The following MECOM variants were observed in gnomAD, a reference collection of about 807,000 sequenced individuals.
MECOM encodes the protein histone-lysine N-methyltransferase MECOM.
In MECOM, 13 loss-of-function variants were observed where a neutral mutation model predicts 116.3. The observed-to-expected ratio is 0.11, with a 90% CI of 0.07 to 0.18. The LOEUF (loss-of-function observed/expected upper bound fraction) is 0.18. MECOM is among the 10% of genes least tolerant of loss of function. The pLI is 1.00. For missense variants in MECOM, 1,299 were observed against 1,509.0 expected (o/e 0.86, Z 2.31); for synonymous variants, 528 against 535.2 (o/e 0.99, Z 0.19).
intron 1 of MECOM, among the ~76,000 whole-genome samples, chr3:169,517,224 G>T (rs1039393063): frequency 2.0e-5 from 3 of 152,182 alleles, no homozygotes; most frequent in African/African-American, 7.2e-5. Context: ...AAATCTTGTT[G>T]ACTACTTCCA....
At chr3:169,361,537 C>CT (rs1728303303) in intron 2 of MECOM, among the ~76,000 whole-genome samples, 1 of 151,802 alleles carries the variant, frequency 6.6e-6, no homozygotes, top group African/African-American at 2.4e-5. Flanking sequence ...CCAAGCCCTG[C>CT]TCTAAGCTCT....
At chr3:169,399,600 A>C (rs1735549868) in intron 1 of MECOM, among the ~76,000 whole-genome samples, 1 of 152,220 alleles carries the variant, frequency 6.6e-6, no homozygotes, top group Non-Finnish European at 1.5e-5. Flanking sequence ...AAGAATCAGA[A>C]AGAGAAGCTT....
intron 1 of MECOM, among the ~76,000 whole-genome samples, chr3:169,471,613 G>A (rs1300141616): frequency 6.6e-6 from 1 of 152,122 alleles, no homozygotes; most frequent in African/African-American, 2.4e-5. Flanking sequence ...AGATTTCTCA[G>A]CTCCCATGAT....
At chr3:169,143,423 G>A (rs1483752531) in intron 3 of MECOM, among the ~76,000 whole-genome samples, 1 of 152,108 alleles carries the variant, frequency 6.6e-6, no homozygotes, top group East Asian at 1.9e-4. Context: ...ACGGTAGGCA[G>A]TAATAATACT....
intron 3 of MECOM, among the ~76,000 whole-genome samples, chr3:169,141,999 C>G (rs1738245555): frequency 6.6e-6 from 1 of 151,856 alleles, no homozygotes; most frequent in African/African-American, 2.4e-5. Context: ...GGCATATTTT[C>G]TTTTGAAAAC....
At chr3:169,249,841 A>G (rs1433894478) in intron 2 of MECOM, among the ~76,000 whole-genome samples, 1 of 152,238 alleles carries the variant, frequency 6.6e-6, no homozygotes, top group Non-Finnish European at 1.5e-5. Context: ...CAGAGAATTA[A>G]GATGAACCAA....
rs577429906 is a variant in MECOM at position 169,334,043 on chromosome 3, T to TA, written c.375+47143dup. On this transcript the variant is annotated intron_variant, in intron 2 of 16. Transcript: ENST00000651503. Reference sequence around the variant, plus strand: ...TTTCTTTCTTTTAATAACACTTTCTTAAAAAAAAATAAATAAAAAACTTTC... The same window carrying TA: ...TTTCTTTCTTTTAATAACACTTTCTTAAAAAAAAAATAAATAAAAAACTTTC... 8.6e-5 allele frequency among the ~76,000 whole-genome samples: 13 copies of TA among 151,490 alleles called. No homozygotes were observed. The South Asian group carries it at 1.0e-3, about 12-fold the overall frequency.
chr3:169,601,739 C>T (rs1243681332), intron 1 of MECOM, among the ~76,000 whole-genome samples: 1 of 152,154 alleles, frequency 6.6e-6, no homozygotes, highest in East Asian at 1.9e-4. Context: ...AAGAAAGAAT[C>T]ACATAAACTT....
At chr3:169,175,856 C>T (rs1169021885) in intron 2 of MECOM, among the ~76,000 whole-genome samples, 2 of 152,102 alleles carry the variant, frequency 1.3e-5, no homozygotes, top group African/African-American at 2.4e-5. Context: ...GCAAACATCT[C>T]GACATGGCTT....
intron 2 of MECOM, among the ~76,000 whole-genome samples, chr3:169,229,847 C>G (rs572962256): frequency 9.9e-5 from 15 of 152,214 alleles, no homozygotes; most frequent in Non-Finnish European, 2.1e-4. Flanking sequence ...ATTCTTTCAG[C>G]TACAATGTTT....
intron 2 of MECOM, among the ~76,000 whole-genome samples, chr3:169,375,991 C>T (rs55700913): frequency 0.011 from 1,747 of 152,082 alleles, 34 homozygotes; most frequent in African/African-American, 0.039. Context: ...ACGATCAAGT[C>T]GGCTTCATCC....
chr3:169,121,374 G>A (rs1329014045), intron 6 of MECOM, among the ~76,000 whole-genome samples, 165 bp from the exon 7 acceptor site: 1 of 152,138 alleles, frequency 6.6e-6, no homozygotes, highest in Admixed American at 6.5e-5. Context: ...CTCTCCTCTA[G>A]GGTAGGAACT....
intron 1 of MECOM, among the ~76,000 whole-genome samples, chr3:169,604,901 T>C (rs1033504194): frequency 6.6e-6 from 1 of 152,188 alleles, no homozygotes; most frequent in Non-Finnish European, 1.5e-5. Flanking sequence ...CATTTTTCCC[T>C]TTTCCTCACA....
At chr3:169,524,247 C>A (rs1397111048) in intron 1 of MECOM, among the ~76,000 whole-genome samples, 1 of 151,910 alleles carries the variant, frequency 6.6e-6, no homozygotes, top group Non-Finnish European at 1.5e-5. Context: ...TTACAACTTT[C>A]CTGTGAGGTA....
intron 1 of MECOM, among the ~76,000 whole-genome samples, chr3:169,612,794 G>A (rs1769448782): frequency 6.6e-6 from 1 of 152,136 alleles, no homozygotes; most frequent in African/African-American, 2.4e-5. Flanking sequence ...CCAAACCTCT[G>A]CTGGTTCTAC....
rs563151263 is a variant in MECOM at position 169,230,048 on chromosome 3, G to A, written c.376-86216C>T. Among the ~76,000 whole-genome samples, 60 of 152,176 alleles carry A rather than the reference G, an allele frequency of 3.9e-4. 1 individual carries two copies. Among genetic ancestry groups the A allele is most frequent in the African/African-American group, 1.4e-3 (57 of 41,548 alleles). On this transcript the variant is annotated intron_variant, in intron 2 of 16. Coordinates refer to ENST00000651503, the MANE Select transcript of MECOM (RefSeq NM_004991.4). ...AGAATACTTCAGGGGGCTATTTAGG[G>A]ATAATACTTGAATATACAAATACTC...
chr3:169,519,509 A>G (rs1314905176), intron 1 of MECOM, among the ~76,000 whole-genome samples: 1 of 152,264 alleles, frequency 6.6e-6, no homozygotes, highest in Non-Finnish European at 1.5e-5. Flanking sequence ...TCAGGAATAC[A>G]AAGTAGTTCC....
intron 1 of MECOM, among the ~76,000 whole-genome samples, chr3:169,527,291 A>G (rs1406417642): frequency 1.3e-5 from 2 of 152,154 alleles, no homozygotes; most frequent in African/African-American, 2.4e-5. Context: ...TAACTCAACA[A>G]CCTTGAAAAG....
At chr3:169,282,880 C>A (rs1157232244) in intron 2 of MECOM, among the ~76,000 whole-genome samples, 1 of 145,744 alleles carries the variant, frequency 6.9e-6, no homozygotes, top group Admixed American at 6.6e-5. Flanking sequence ...ACAGTAGAAA[C>A]AGTTCTTAAT....
Sources: allele counts gnomAD v4.1 joint callset (sites outside exome capture counted in the v4.1 genomes callset), GRCh38; gene constraint gnomAD v4.1.1; transcripts MANE v1.5; gene names NCBI Gene and HGNC (gene_info 2026-07-23, HGNC 2026-07-21).